DISC1: variants seen among roughly 807,000 people sequenced by gnomAD.
DISC1 encodes DISC1 scaffold protein.
A neutral mutation model predicts 84.5 loss-of-function variants in DISC1; 57 were observed. The ratio of observed to expected loss-of-function variants is 0.67; its 90% CI spans 0.55 to 0.84. The LOEUF (loss-of-function observed/expected upper bound fraction) is 0.84, where lower values mean the gene tolerates loss of function less well. Ranked by LOEUF, DISC1 falls within the 40% of genes least tolerant of loss-of-function variation. The pLI, the probability that DISC1 is intolerant of heterozygous loss-of-function variation, is 0.00. For synonymous variants in DISC1, 411 were observed against 415.2 expected, an observed-to-expected ratio of 0.99 and a Z score of 0.12; for missense variants, 1,000 against 1,057.8, an observed-to-expected ratio of 0.95 and a Z score of 0.76.
intron 1 of DISC1, among the ~76,000 whole-genome samples, chr1:231,687,084 C>T (rs2064374884): frequency 6.6e-6 from 1 of 152,192 alleles, no homozygotes; most frequent in East Asian, 1.9e-4. Context: ...TTCAACAAGT[C>T]TCTAGGGAGT....
intron 1 of DISC1, among the ~76,000 whole-genome samples, chr1:231,642,608 A>T (rs1355685987): frequency 6.6e-6 from 1 of 152,180 alleles, no homozygotes; most frequent in African/African-American, 2.4e-5. Flanking sequence ...AGGCCCAGTA[A>T]ATCTTTTTTT....
At chr1:231,679,602 ATTC>A (rs1228023495) in intron 1 of DISC1, among the ~76,000 whole-genome samples, 1 of 152,234 alleles carries the variant, frequency 6.6e-6, no homozygotes, top group Non-Finnish European at 1.5e-5. Flanking sequence ...CCAGAGACTT[ATTC>A]TTAACAGTAA....
chr1:231,735,359 C>T (rs777485257), intron 3 of DISC1, among the ~76,000 whole-genome samples: 2 of 152,082 alleles, frequency 1.3e-5, no homozygotes, highest in Non-Finnish European at 2.9e-5. Context: ...AGGCTGTTTC[C>T]ATTTTGGAGA....
intron 9 of DISC1, among the ~76,000 whole-genome samples, chr1:231,854,184 C>T (rs569292618): frequency 9.2e-5 from 14 of 152,262 alleles, no homozygotes; most frequent in Non-Finnish European, 2.1e-4. Flanking sequence ...TTAATCCCGG[C>T]TGACCTCTTA....
At chr1:231,633,893 T>C (rs535722592) in intron 1 of DISC1, among the ~76,000 whole-genome samples, 1 of 151,646 alleles carries the variant, frequency 6.6e-6, no homozygotes, top group South Asian at 2.1e-4. Flanking sequence ...TCTTTTTTTT[T>C]TTTTTTTTGA....
At chr1:231,836,428 G>A (rs16855171) in intron 9 of DISC1, among the ~76,000 whole-genome samples, 1 of 152,122 alleles carries the variant, frequency 6.6e-6, no homozygotes, top group African/African-American at 2.4e-5. Context: ...GTCATCAGGG[G>A]CATGAAAAAT....
intron 3 of DISC1, among the ~76,000 whole-genome samples, chr1:231,708,277 G>T (rs1467951374): frequency 6.6e-6 from 1 of 152,178 alleles, no homozygotes; most frequent in Non-Finnish European, 1.5e-5. Context: ...CAAGGGCCCA[G>T]AGAAAACAAA....
At chr1:231,671,131 C>T (rs1317189327) in intron 1 of DISC1, among the ~76,000 whole-genome samples, 1 of 152,036 alleles carries the variant, frequency 6.6e-6, no homozygotes, top group Non-Finnish European at 1.5e-5. Flanking sequence ...GTGATTTTAC[C>T]AGGACATCTT....
intron 9 of DISC1, among the ~76,000 whole-genome samples, chr1:231,828,494 C>T (rs190342714): frequency 1.4e-3 from 212 of 152,230 alleles, no homozygotes; most frequent in African/African-American, 4.9e-3. Context: ...ATCTGTCAGC[C>T]TTTGGAAGTG....
intron 8 of DISC1, among the ~76,000 whole-genome samples, chr1:231,814,171 A>G (rs1444723423): frequency 1.3e-5 from 2 of 152,352 alleles, no homozygotes; most frequent in Non-Finnish European, 2.9e-5. Context: ...AGTTAGCAAC[A>G]TAATTTATGT....
chr1:231,849,600 G>A (rs1188594420), intron 9 of DISC1, among the ~76,000 whole-genome samples: 1 of 152,092 alleles, frequency 6.6e-6, no homozygotes, highest in Non-Finnish European at 1.5e-5. Context: ...GTGTGCGTGT[G>A]TTTCCCTCAT....
At chr1:231,812,942 T>C (rs2080460438) in intron 8 of DISC1, among the ~76,000 whole-genome samples, 3 of 152,350 alleles carry the variant, frequency 2.0e-5, no homozygotes, top group Admixed American at 2.0e-4. Context: ...TGGGTCTTGA[T>C]ATGAATGGTC....
chr1:231,879,285 G>A (rs1425483059), intron 9 of DISC1, among the ~76,000 whole-genome samples: 1 of 151,850 alleles, frequency 6.6e-6, no homozygotes, highest in East Asian at 1.9e-4. Context: ...TGAGCTACTT[G>A]TTGATTCTAT....
intron 3 of DISC1, among the ~76,000 whole-genome samples, chr1:231,720,528 C>T (rs147140053): frequency 0.016 from 2,367 of 152,024 alleles, 30 homozygotes; most frequent in Admixed American, 0.026. Context: ...TTTATAAAGA[C>T]GGGGTCTCAC....
intron 1 of DISC1, among the ~76,000 whole-genome samples, chr1:231,631,390 A>T (rs990536158): frequency 2.0e-5 from 3 of 152,064 alleles, no homozygotes; most frequent in Admixed American, 6.5e-5. Flanking sequence ...TCTACTTAGT[A>T]AAAAAAAGTT....
intron 2 of DISC1, among the ~76,000 whole-genome samples, chr1:231,700,777 TGAATA>T (rs2066315761): frequency 2.6e-5 from 4 of 152,146 alleles, no homozygotes; most frequent in Admixed American, 2.0e-4. Context: ...AATGGGTCTA[TGAATA>T]GAAGAAGCAA....
chr1:231,633,482 G>A (rs2058917500), intron 1 of DISC1, among the ~76,000 whole-genome samples: 1 of 152,158 alleles, frequency 6.6e-6, no homozygotes, highest in African/African-American at 2.4e-5. Context: ...TTGGGATTGT[G>A]CAGGATTTGA....
At chr1:231,695,814 C>G (rs1165128964) in intron 2 of DISC1, among the ~76,000 whole-genome samples, 1 of 152,110 alleles carries the variant, frequency 6.6e-6, no homozygotes, top group Non-Finnish European at 1.5e-5. Context: ...CATGCTCATT[C>G]CCCGAAAGAG....
chr1:231,646,836 C>T (rs914737064), intron 1 of DISC1, among the ~76,000 whole-genome samples: 12 of 152,162 alleles, frequency 7.9e-5, no homozygotes, highest in East Asian at 3.8e-4. Context: ...TTTCATGTGT[C>T]TGTTGGCTGC....
Sources: allele counts gnomAD v4.1 joint callset (sites outside exome capture counted in the v4.1 genomes callset), GRCh38; gene constraint gnomAD v4.1.1; transcripts MANE v1.5; gene names NCBI Gene and HGNC (gene_info 2026-07-23, HGNC 2026-07-21).